RBM44: variants seen among roughly 807,000 people sequenced by gnomAD.
The protein encoded by RBM44 is RNA binding motif protein 44.
RBM44 carries 66 observed loss-of-function variants against 105.1 expected under a neutral mutation model. The observed-to-expected ratio is 0.63, with a 90% CI of 0.52 to 0.77. RBM44 has a LOEUF of 0.77. Ranked by LOEUF, RBM44 falls within the 30% of genes least tolerant of loss-of-function variation. The pLI is 0.00. For synonymous variants in RBM44, 365 were observed against 417.6 expected, an observed-to-expected ratio of 0.87 and a Z score of 1.54; for missense variants, 1,122 against 1,207.8, an observed-to-expected ratio of 0.93 and a Z score of 1.05.
intron 1 of RBM44, among the ~76,000 whole-genome samples, chr2:237,800,098 G>A (rs1380296615): frequency 6.6e-6 from 1 of 152,146 alleles, no homozygotes; most frequent in Non-Finnish European, 1.5e-5. Context: ...CATTCCCATC[G>A]GCAATGGATG....
intron 13 of RBM44, among the ~76,000 whole-genome samples, chr2:237,829,995 TA>T (rs917284070): frequency 1.1e-4 from 16 of 151,166 alleles, no homozygotes; most frequent in Admixed American, 2.6e-4. Flanking sequence ...CCACAGATTT[TA>T]AAAAAAAAAT....
intron 8 of RBM44, among the ~76,000 whole-genome samples, chr2:237,822,906 G>A (rs775163334): frequency 3.0e-4 from 46 of 151,934 alleles, no homozygotes; most frequent in South Asian, 2.1e-3. Flanking sequence ...AGCTACTCAT[G>A]TACCATCTTC....
At chr2:237,821,872 G>GATTTA in intron 8 of RBM44, 45 bp downstream of exon 8, 1 of 1,288,052 alleles carries the variant, frequency 7.8e-7, no homozygotes, top group Non-Finnish European at 1.1e-6. Context: ...TTAAGTGTAT[G>GATTTA]GTTTACGTAA....
chr2:237,827,402 C>A, intron 11 of RBM44, 31 bp from the exon 12 acceptor site: 1 of 1,468,654 alleles, frequency 6.8e-7, no homozygotes, highest in Non-Finnish European at 9.3e-7. Context: ...TTTTTTCTAC[C>A]TTTCACAAAC....
In RBM44 at chr2:237,818,264, A is replaced by G. The variant is rs766710146; in HGVS notation, c.1345A>G (p.Met449Val). 1 of 1,613,170 alleles carries G rather than the reference A, an allele frequency of 6.2e-7. No homozygotes were observed. The highest frequency in any genetic ancestry group is 1.1e-5 in the South Asian group (1 of 91,062). ...KKTCFHNIGE[M>V]CTKSLTDAAS... is the part of the protein sequence containing the mutation. ...AACATGCTTTCACAATATAGGAGAA[A>G]TGTGTACTAAATCATTGACAGATGC... The change falls in exon 3 of 16, where the codon ATG (methionine) becomes GTG (valine). Residue 449 changes from methionine (M) to valine (V), a missense_variant. Coordinates refer to ENST00000316997, the MANE Select transcript of RBM44 (RefSeq NM_001080504.3). This position sits in a 1 kb window ranked among gnomAD's most constrained non-coding sequence, Gnocchi z 4.6.
chr2:237,817,094 C>G lies in RBM44; in HGVS notation c.175C>G (p.Leu59Val). The G allele has an allele frequency of 6.2e-7, 1 of 1,608,224 alleles. No individual in the cohort carries two copies. Among genetic ancestry groups the G allele is most frequent in the African/African-American group, 1.3e-5 (1 of 74,570 alleles). Residue 59 changes from leucine to valine, a missense_variant, in exon 3 of 16, where the codon CTA (leucine) becomes GTA (valine). Around this residue, in one of 3 missense-constraint regions of RBM44, gnomAD observed 918 missense variants for 955.3 expected, o/e 0.96. Transcript: ENST00000316997. ...FPDDDWNSSTLEQRANNKEIS... is the reference protein window; with the variant it reads ...FPDDDWNSSTVEQRANNKEIS... Reference sequence around the variant, plus strand: ...TGATGATGACTGGAATTCTTCGACACTAGAGCAAAGAGCTAATAATAAAGA... The same window carrying G: ...TGATGATGACTGGAATTCTTCGACAGTAGAGCAAAGAGCTAATAATAAAGA...
intron 2 of RBM44, among the ~76,000 whole-genome samples, chr2:237,815,840 C>T (rs562814960): frequency 1.2e-4 from 18 of 151,912 alleles, no homozygotes; most frequent in African/African-American, 4.3e-4. Flanking sequence ...TTAGTCCCAC[C>T]TCTGTTTTGG....
intron 4 of RBM44, among the ~76,000 whole-genome samples, chr2:237,819,602 G>T (rs192600472): frequency 6.6e-6 from 1 of 151,888 alleles, no homozygotes; most frequent in African/African-American, 2.4e-5. Context: ...GTGGCAATTA[G>T]TAACAAGGGA....
intron 8 of RBM44, among the ~76,000 whole-genome samples, chr2:237,822,310 CTCTT>C (rs1350118322): frequency 6.6e-6 from 1 of 152,024 alleles, no homozygotes; most frequent in Admixed American, 6.6e-5. Context: ...GGTTTTCTTA[CTCTT>C]TCTTGTTCCC....
chr2:237,820,981 T>A, intron 5 of RBM44, 90 bp from the exon 6 acceptor site: 1 of 931,246 alleles, frequency 1.1e-6, no homozygotes, highest in Non-Finnish European at 1.5e-6. Flanking sequence ...AGCCCAGGAG[T>A]TCAAGAACCA....
At chr2:237,806,568 A>G (rs2061601095) in intron 1 of RBM44, among the ~76,000 whole-genome samples, 1 of 152,174 alleles carries the variant, frequency 6.6e-6, no homozygotes, top group Non-Finnish European at 1.5e-5. Context: ...GACCATGGAA[A>G]AAGAACAAGG....
chr2:237,824,305 C>G lies in RBM44; in HGVS notation c.2335C>G (p.Gln779Glu), dbSNP rs1184846211. The G allele has an allele frequency of 1.9e-6, 3 of 1,612,554 alleles. No individual in the cohort carries two copies. The African/African-American group carries it at 4.0e-5, about 22-fold the overall frequency. The change falls in exon 10 of 16, where the codon CAA becomes GAA. Residue 779 changes from glutamine to glutamate, a missense_variant. By Grantham distance (29) the Gln-to-Glu change is conservative. This residue lies in a region of RBM44 where 918 missense variants were observed against 955.3 expected (regional missense o/e 0.96). Transcript: ENST00000316997. ...KLGDKDCRHY[Q>E]ETSEDWSDAK... ...GAGTGTCTTAGACTGCAGACATTAC[C>G]AAGAGACAAGCGAAGACTGGTCTGA...
In RBM44 at chr2:237,821,162, G is replaced by GA. The variant is rs777249522; in HGVS notation, c.2011dup (p.Ile671AsnfsTer44). The GA allele has an allele frequency of 2.5e-6, 4 of 1,610,974 alleles. No homozygotes were observed. The highest frequency in any genetic ancestry group is 4.5e-5 in the East Asian group (2 of 44,800). ...AAAAGTTAGATATGTGACTTTGAAA[G>GA]AAAAAATACACAAAGGCATACCACT... On this transcript the variant is annotated frameshift_variant, in exon 6 of 16. Coordinates refer to ENST00000316997, the MANE Select transcript of RBM44 (RefSeq NM_001080504.3). LOFTEE classifies it high-confidence loss of function.
At chr2:237,826,221 T>C (rs982795319) in intron 10 of RBM44, among the ~76,000 whole-genome samples, 5 of 152,098 alleles carry the variant, frequency 3.3e-5, no homozygotes, top group Admixed American at 2.0e-4. Flanking sequence ...TTATAAAGCA[T>C]ATAAATAAAA....
In RBM44 at chr2:237,829,443, A is replaced by G; in HGVS notation, c.2827A>G (p.Arg943Gly). The G allele has an allele frequency of 1.2e-6, 2 of 1,613,780 alleles. No homozygotes were observed. Among genetic ancestry groups the G allele is most frequent in the African/African-American group, 1.3e-5 (1 of 75,058 alleles). ...AGAATTCTCCATTTCTAGATTGCCCAGAACTAGGCCACGGCAGCTGGGTTC... is the reference window on the plus strand; with the variant it reads ...AGAATTCTCCATTTCTAGATTGCCCGGAACTAGGCCACGGCAGCTGGGTTC... ...HSEFSISRLP[R>G]TRPRQLGSEQ... Residue 943 changes from arginine to glycine, a missense_variant, in exon 13 of 16, where the codon AGA (arginine) becomes GGA (glycine). Coordinates refer to ENST00000316997, the MANE Select transcript of RBM44 (RefSeq NM_001080504.3).
intron 13 of RBM44, among the ~76,000 whole-genome samples, chr2:237,829,761 T>G (rs2061885561): frequency 2.0e-5 from 3 of 152,218 alleles, no homozygotes; most frequent in Admixed American, 2.0e-4. Flanking sequence ...CGCCGTCTTT[T>G]TATTACTACT....
chr2:237,818,078 G>A lies in RBM44; in HGVS notation c.1159G>A (p.Asp387Asn). ...AACTTCCTGGACCTCTGTTTTTGAT[G>A]ATTCGATAATTTCTGCCTGTGGATA... is the stretch of plus-strand genomic sequence containing the variant. Reference protein sequence around the residue: ...CQTSWTSVFDDSIISACGYYE... With the variant: ...CQTSWTSVFDNSIISACGYYE... Residue 387 changes from aspartate (D) to asparagine (N), a missense_variant, in exon 3 of 16, where the codon GAT (aspartate) becomes AAT (asparagine). Asp to Asn is a conservative substitution (Grantham distance 23). Transcript: ENST00000316997. The surrounding 1 kb of genome is among the most constrained non-coding windows in gnomAD (Gnocchi z 4.6). The A allele has an allele frequency of 6.2e-7, 1 of 1,612,642 alleles. No individual in the cohort carries two copies. The highest frequency in any genetic ancestry group is 8.5e-7 in the Non-Finnish European group (1 of 1,179,356).
At chr2:237,823,309 T>C in intron 8 of RBM44, 131 bp from the exon 9 acceptor site, 1 of 544,138 alleles carries the variant, frequency 1.8e-6, no homozygotes. Context: ...CAGGTCAGGT[T>C]GATAATGTTT....
chr2:237,802,490 T>G (rs1157432527), intron 1 of RBM44, among the ~76,000 whole-genome samples: 2 of 152,184 alleles, frequency 1.3e-5, no homozygotes, highest in Non-Finnish European at 2.9e-5. Flanking sequence ...AAAACCGGTG[T>G]CTGGTACCAA....
Sources: allele counts gnomAD v4.1 joint callset (sites outside exome capture counted in the v4.1 genomes callset), GRCh38; gene constraint gnomAD v4.1.1; regional missense constraint gnomAD v4.1.1; non-coding constraint Gnocchi (gnomAD v3.1); transcripts MANE v1.5; gene names NCBI Gene and HGNC (gene_info 2026-07-23, HGNC 2026-07-21).